The following DPP8 variants were observed in gnomAD, a reference collection of about 807,000 sequenced individuals.
DPP8 encodes the protein dipeptidyl peptidase 8, also known as DPP VIII.
DPP8 carries 31 observed loss-of-function variants against 107.5 expected under a neutral mutation model. The observed-to-expected ratio is 0.29, with a 90% CI of 0.22 to 0.39. DPP8 has a LOEUF of 0.39. Ranked by LOEUF, DPP8 falls within the 10% of genes least tolerant of loss-of-function variation. The pLI, the probability that DPP8 is intolerant of heterozygous loss-of-function variation, is 1.00. For synonymous variants in DPP8, 381 were observed against 356.6 expected, an observed-to-expected ratio of 1.07 and a Z score of -0.77; for missense variants, 842 against 1,076.1, an observed-to-expected ratio of 0.78 and a Z score of 3.04.
chr15:65,505,291 C>T (rs537224273), intron 3 of DPP8, among the ~76,000 whole-genome samples: 1 of 150,860 alleles, frequency 6.6e-6, no homozygotes, highest in East Asian at 2.0e-4. Context: ...GGAGGAGGAG[C>T]TTGCAGTGAG....
At chr15:65,503,118 T>A (rs1015607178) in intron 3 of DPP8, among the ~76,000 whole-genome samples, 1 of 151,946 alleles carries the variant, frequency 6.6e-6, no homozygotes, top group Non-Finnish European at 1.5e-5. Flanking sequence ...ATTATTATTA[T>A]TTTTTTTGAG....
In DPP8 at chr15:65,442,681, T is replaced by C. The variant is rs1368541718; in HGVS notation, c.*4203A>G. The C allele has an allele frequency of 1.3e-5, 2 of 152,188 alleles. No homozygotes were observed. Among genetic ancestry groups the C allele is most frequent in the South Asian group, 4.1e-4 (2 of 4,826 alleles). The allele number at this position is 152,188 out of a possible 1,614,324, so 9.4% of individuals were successfully genotyped here. On this transcript the variant is annotated 3_prime_UTR_variant, in exon 20 of 20. Coordinates refer to ENST00000300141, the MANE Select transcript of DPP8 (RefSeq NM_130434.5). ...ACACCTGAATTCCAATTTTGCTGAA[T>C]ACAATATAAATTTGTTTTGGGGTTA...
rs376458248 is a variant in DPP8 at position 65,476,150 on chromosome 15, A to C, written c.1457-1862T>G. ...ATCATTTCTCTTTTCCTCACTGCTT[A>C]TATCTATTGCTGTGGGGAGTGACAG... On this transcript the variant is annotated intron_variant, in intron 11 of 19. Transcript: ENST00000300141. Among the ~76,000 whole-genome samples the C allele has an allele frequency of 2.4e-4, 36 of 152,296 alleles. No individual in the cohort carries two copies. The East Asian group carries it at 3.9e-3, about 16-fold the overall frequency.
intron 2 of DPP8, among the ~76,000 whole-genome samples, chr15:65,510,696 G>A (rs566297934): frequency 2.6e-5 from 4 of 152,240 alleles, no homozygotes; most frequent in Admixed American, 6.5e-5. Flanking sequence ...GTACTACCAC[G>A]CCTGACTAAT....
intron 9 of DPP8, 24 bp downstream of exon 9, chr15:65,481,491 G>C: frequency 7.0e-7 from 1 of 1,423,834 alleles, no homozygotes; most frequent in South Asian, 1.2e-5. Context: ...TAGTTATAAA[G>C]AAGTAACAAT....
At chr15:65,515,556 T>C in intron 1 of DPP8, 2 of 1,048,242 alleles carry the variant, frequency 1.9e-6, no homozygotes, top group Admixed American at 4.3e-5. Flanking sequence ...TTTTCTAATG[T>C]CAAAAATAGG....
intron 1 of DPP8, chr15:65,516,179 C>G (rs1462655908): frequency 5.8e-6 from 1 of 171,642 alleles, no homozygotes; most frequent in South Asian, 2.0e-4. Context: ...TCCTGTTCCT[C>G]TTTTACATAA....
At chr15:65,500,831 G>T in intron 3 of DPP8, 52 bp from the exon 4 acceptor site, 112 of 1,309,084 alleles carry the variant, frequency 8.6e-5, no homozygotes, top group South Asian at 4.7e-4. Flanking sequence ...ACCATCTTTT[G>T]CTTTTAGCAC....
chr15:65,511,650 A>AC (rs999361434), intron 2 of DPP8, among the ~76,000 whole-genome samples: 2 of 150,702 alleles, frequency 1.3e-5, no homozygotes, highest in South Asian at 2.1e-4. Flanking sequence ...AAAAAAAAAA[A>AC]AAAAAAAACT....
intron 1 of DPP8, among the ~76,000 whole-genome samples, chr15:65,513,583 G>A (rs1406484194): frequency 6.6e-6 from 1 of 152,118 alleles, no homozygotes; most frequent in Non-Finnish European, 1.5e-5. Flanking sequence ...TGATTAAATG[G>A]CAGGAAAAAA....
intron 19 of DPP8, among the ~76,000 whole-genome samples, chr15:65,449,351 A>T (rs1056887549): frequency 3.3e-5 from 5 of 150,782 alleles, no homozygotes; most frequent in African/African-American, 1.2e-4. Context: ...CCACTTGTCC[A>T]GTTTTGGTAC....
chr15:65,508,217 G>A (rs560620834), intron 2 of DPP8, among the ~76,000 whole-genome samples: 1 of 151,446 alleles, frequency 6.6e-6, no homozygotes, highest in South Asian at 2.1e-4. Context: ...TCTGGCCTGG[G>A]CAACAGAGCA....
chr15:65,464,739 T>C (rs2065197937), intron 14 of DPP8, among the ~76,000 whole-genome samples: 1 of 151,988 alleles, frequency 6.6e-6, no homozygotes, highest in Non-Finnish European at 1.5e-5. Flanking sequence ...AACAAACATA[T>C]CAAATTATTT....
intron 11 of DPP8, among the ~76,000 whole-genome samples, chr15:65,477,774 C>T (rs956454226): frequency 6.6e-6 from 1 of 151,916 alleles, no homozygotes; most frequent in Non-Finnish European, 1.5e-5. Flanking sequence ...CCTTATGATC[C>T]GCCTGCCTCG....
At chr15:65,467,411 C>T (rs1478290288) in intron 12 of DPP8, among the ~76,000 whole-genome samples, 188 bp from the exon 13 acceptor site, 1 of 152,050 alleles carries the variant, frequency 6.6e-6, no homozygotes, top group African/African-American at 2.4e-5. Flanking sequence ...GTTGAGGTCT[C>T]ACCTCTGCTA....
chr15:65,475,814 C>T (rs2066334583), intron 11 of DPP8, among the ~76,000 whole-genome samples: 1 of 152,204 alleles, frequency 6.6e-6, no homozygotes, highest in South Asian at 2.1e-4. Context: ...GCGGCACCAT[C>T]ACAGCTCACT....
chr15:65,485,622 A>G (rs1208162998), intron 7 of DPP8, among the ~76,000 whole-genome samples: 1 of 150,942 alleles, frequency 6.6e-6, no homozygotes, highest in East Asian at 1.9e-4. Context: ...TACTCAAATT[A>G]ATTTTGCCAG....
At chr15:65,493,153 A>G (rs1411064855) in intron 5 of DPP8, among the ~76,000 whole-genome samples, 2 of 151,382 alleles carry the variant, frequency 1.3e-5, no homozygotes, top group East Asian at 3.9e-4. Context: ...GCTCCATCTC[A>G]GCTCACCGCA....
chr15:65,465,636 A>C (rs1235134573), intron 14 of DPP8, among the ~76,000 whole-genome samples: 2 of 149,880 alleles, frequency 1.3e-5, no homozygotes, highest in African/African-American at 2.5e-5. Flanking sequence ...GCTCACTGCA[A>C]CCTCCGCCTC....
Sources: allele counts gnomAD v4.1 joint callset (sites outside exome capture counted in the v4.1 genomes callset), GRCh38; gene constraint gnomAD v4.1.1; transcripts MANE v1.5; gene names NCBI Gene and HGNC (gene_info 2026-07-23, HGNC 2026-07-21).